PCM1: variants seen among roughly 807,000 people sequenced by gnomAD.
PCM1 encodes the protein pericentriolar material 1 protein.
PCM1 carries 157 observed loss-of-function variants against 241.9 expected under a neutral mutation model. That is an observed-to-expected ratio of 0.65 (90% CI 0.57 to 0.74). The LOEUF (loss-of-function observed/expected upper bound fraction) is 0.74, where lower values mean the gene tolerates loss of function less well. Ranked by LOEUF, PCM1 falls within the 30% of genes least tolerant of loss-of-function variation. The pLI, the probability that PCM1 is intolerant of heterozygous loss-of-function variation, is 0.00. For missense variants in PCM1, 3,478 were observed against 2,360.1 expected (o/e 1.47, Z -9.81); for synonymous variants, 1,085 against 784.9 (o/e 1.38, Z -6.39).
chr8:17,989,253 A>G (rs931209609), intron 26 of PCM1, among the ~76,000 whole-genome samples: 3 of 151,968 alleles, frequency 2.0e-5, no homozygotes, highest in African/African-American at 4.8e-5. Context: ...ATCTACAGTG[A>G]TAGAAATCAT....
chr8:17,977,669 G>T (rs1423045549), intron 23 of PCM1, among the ~76,000 whole-genome samples: 1 of 152,168 alleles, frequency 6.6e-6, no homozygotes, highest in Non-Finnish European at 1.5e-5. Flanking sequence ...CTAGTTGGCA[G>T]AAAGGTTATT....
chr8:17,994,737 C>T (rs2129480263), intron 29 of PCM1, among the ~76,000 whole-genome samples: 1 of 151,848 alleles, frequency 6.6e-6, no homozygotes, highest in Admixed American at 6.5e-5. Context: ...GCCATTTTAA[C>T]AGAGGTGAGA....
chr8:17,975,889 C>G (rs2078603660), intron 23 of PCM1, among the ~76,000 whole-genome samples: 1 of 152,010 alleles, frequency 6.6e-6, no homozygotes, highest in Non-Finnish European at 1.5e-5. Context: ...AGACTTAGAC[C>G]TTATGAGTTG....
intron 2 of PCM1, chr8:17,925,437 G>A (rs2056548715): frequency 6.6e-6 from 1 of 152,236 alleles, no homozygotes; most frequent in East Asian, 1.9e-4. Context: ...TTAGAAGTTT[G>A]TTAAAAGCTT....
At chr8:17,961,584 T>C (rs2072151189) in intron 15 of PCM1, among the ~76,000 whole-genome samples, 1 of 152,182 alleles carries the variant, frequency 6.6e-6, no homozygotes, top group African/African-American at 2.4e-5. Flanking sequence ...GTGTTGGGAT[T>C]ACAGGCGTGA....
At chr8:17,942,696 A>C (rs2062506091) in intron 6 of PCM1, among the ~76,000 whole-genome samples, 2 of 151,962 alleles carry the variant, frequency 1.3e-5, no homozygotes, top group Non-Finnish European at 1.5e-5. Flanking sequence ...GTAGTTCCAC[A>C]TAAAAAGAGT....
chr8:18,025,517 T>C, intron 37 of PCM1, 27 bp from the exon 38 acceptor site: 1 of 1,531,280 alleles, frequency 6.5e-7, no homozygotes, highest in Non-Finnish European at 9.0e-7. Context: ...TGAAAAATGA[T>C]TTGTATTTTT....
At chr8:17,927,951 A>C (rs1337317846) in intron 2 of PCM1, 1 of 151,682 alleles carries the variant, frequency 6.6e-6, no homozygotes, top group South Asian at 2.1e-4. Flanking sequence ...AAAAAAAAAA[A>C]AAACCACTAA....
chr8:18,009,483 AG>A (rs981074335), intron 30 of PCM1, 63 bp from the exon 31 acceptor site: 7 of 1,038,126 alleles, frequency 6.7e-6, no homozygotes, highest in African/African-American at 1.6e-5. Flanking sequence ...AGTACTTAAA[AG>A]TAATAGTATT....
chr8:17,932,084 A>G (rs1047857793), intron 2 of PCM1, among the ~76,000 whole-genome samples: 2 of 152,084 alleles, frequency 1.3e-5, no homozygotes, highest in African/African-American at 4.8e-5. Context: ...TCCATGATAC[A>G]CCGACAGGTT....
At chr8:17,982,308 G>A (rs1011189190) in intron 24 of PCM1, among the ~76,000 whole-genome samples, 4 of 152,046 alleles carry the variant, frequency 2.6e-5, no homozygotes, top group Non-Finnish European at 5.9e-5. Context: ...GGTAGAGGTC[G>A]AAGAAGGACA....
rs182886214 is a variant in PCM1 at position 17,930,748 on chromosome 8, C to T, written c.-22-4841C>T. ...AACAAAAATTAGCCAGGCGTGGTGGCGGGTGCCTGTAGTCCCAGCTATTGG... is the reference window on the plus strand; with the variant it reads ...AACAAAAATTAGCCAGGCGTGGTGGTGGGTGCCTGTAGTCCCAGCTATTGG... On this transcript the variant is annotated intron_variant, in intron 2 of 38. Transcript: ENST00000325083. Among the ~76,000 whole-genome samples the T allele has an allele frequency of 4.8e-3, 734 of 151,872 alleles. 5 individuals carry two copies. The highest frequency in any genetic ancestry group is 0.016 in the African/African-American group (679 of 41,460).
At position 17,963,343 on chromosome 8, in the gene PCM1, G is replaced by T. The variant is rs2073388773; in HGVS notation, c.2654+52G>T. 2.2e-6 allele frequency: 3 copies of T among 1,380,188 alleles called. No individual in the cohort carries two copies. The African/African-American group carries it at 4.4e-5, about 20-fold the overall frequency. 85.5% of individuals were successfully genotyped at this position (1,380,188 alleles called of 1,614,324 possible). A position where few individuals can be genotyped will look rare whatever the true frequency, so the allele number is the denominator to read the frequency against. ...CTAAAAATGTCACCTGCCGAAGATT[G>T]ACCTGTAGGCTAGGCAGCCACATTT... On this transcript the variant is annotated intron_variant, in intron 17 of 38. Transcript: ENST00000325083.
intron 5 of PCM1, 111 bp from the exon 6 acceptor site, chr8:17,939,580 G>T: frequency 1.9e-6 from 1 of 522,668 alleles, no homozygotes; most frequent in Non-Finnish European, 3.2e-6. Flanking sequence ...AAGTGTCTTT[G>T]GTTATCTTCG....
chr8:17,949,169 G>A (rs1586480887), intron 7 of PCM1, among the ~76,000 whole-genome samples: 1 of 152,062 alleles, frequency 6.6e-6, no homozygotes, highest in Admixed American at 6.5e-5. Flanking sequence ...AAGAATTTTA[G>A]CTTAGTAATT....
At chr8:17,961,759 T>C (rs188205882) in intron 15 of PCM1, among the ~76,000 whole-genome samples, 2 of 152,322 alleles carry the variant, frequency 1.3e-5, no homozygotes, top group East Asian at 1.9e-4. Flanking sequence ...TAGAGAAATA[T>C]GTTGCAAAGG....
chr8:17,923,635 G>A (rs1242647747), intron 1 of PCM1, among the ~76,000 whole-genome samples: 1 of 152,122 alleles, frequency 6.6e-6, no homozygotes, highest in Non-Finnish European at 1.5e-5. Context: ...GGAACTCTCG[G>A]TGTCCAGAGT....
intron 29 of PCM1, among the ~76,000 whole-genome samples, chr8:17,996,478 G>GT (rs938978804): frequency 1.3e-4 from 20 of 151,756 alleles, no homozygotes; most frequent in Non-Finnish European, 7.4e-5. Flanking sequence ...TATTATTTGG[G>GT]TTTTTTGTCT....
At chr8:17,985,132 A>G (rs1168204664) in intron 24 of PCM1, among the ~76,000 whole-genome samples, 1 of 151,876 alleles carries the variant, frequency 6.6e-6, no homozygotes, top group Non-Finnish European at 1.5e-5. Flanking sequence ...AAAGATTTTC[A>G]CTGATTTTTC....
Sources: gnomAD v4.1 joint callset for allele counts (sites outside exome capture counted in the v4.1 genomes callset) on GRCh38, gnomAD v4.1.1 for gene constraint, MANE v1.5 for transcripts, NCBI Gene and HGNC (gene_info 2026-07-23, HGNC 2026-07-21) for gene names.